WDR90: variants seen among roughly 807,000 people sequenced by gnomAD.
WDR90 encodes the protein WD repeat domain 90, also known as WD repeat-containing protein 90.
A neutral mutation model predicts 195.2 loss-of-function variants in WDR90; 238 were observed. The ratio of observed to expected loss-of-function variants is 1.22; its 90% CI spans 1.10 to 1.36. The LOEUF is 1.36. Among genes scored for constraint, WDR90 ranks in the 40% most tolerant of loss-of-function variants. WDR90 has a pLI of 0.00. For missense variants in WDR90, 2,734 were observed against 2,439.5 expected (o/e 1.12, Z -2.54); for synonymous variants, 1,265 against 1,052.4 (o/e 1.20, Z -3.91).
intron 33 of WDR90, 137 bp from the exon 34 acceptor site, chr16:662,542 C>G: frequency 7.6e-7 from 1 of 1,323,148 alleles, no homozygotes. Flanking sequence ...CATGGGCTTT[C>G]TCTTCTTCCA....
At position 660,649 on chromosome 16, in the gene WDR90, G is replaced by A. The variant is rs759784607; in HGVS notation, c.3326G>A (p.Arg1109His). 11 of 1,580,824 alleles carry A rather than the reference G, an allele frequency of 7.0e-6. No homozygotes were observed. Among genetic ancestry groups the A allele is most frequent in the African/African-American group, 2.7e-5 (2 of 74,014 alleles). Reference protein sequence around the residue: ...CPPPASGGWLRLKAVVGYSGN... With the variant: ...CPPPASGGWLHLKAVVGYSGN... ...CCTCCCGCCAGCGGTGGGTGGCTGC[G>A]TCTGAAGGCTGTCGTCGGTTACAGC... The change falls in exon 28 of 41, where the codon CGT becomes CAT. Residue 1109 changes from arginine to histidine, a missense_variant. Physicochemically the swap from Arg to His is conservative, Grantham distance 29. Transcript: ENST00000293879.
At chr16:662,388 G>C (rs540998595) in intron 33 of WDR90, 57 bp downstream of exon 33, 3 of 1,528,622 alleles carry the variant, frequency 2.0e-6, no homozygotes, top group Non-Finnish European at 2.6e-6. Context: ...GTCCCTGACT[G>C]GGGCTTGCAG....
At chr16:656,068 G>A (rs1239296783) in intron 17 of WDR90, 179 bp downstream of exon 17, 1 of 823,814 alleles carries the variant, frequency 1.2e-6, no homozygotes, top group Non-Finnish European at 1.9e-6. Context: ...GCGGCCCGCG[G>A]GGCAGCCTCA....
intron 14 of WDR90, 27 bp downstream of exon 14, chr16:655,174 T>C (rs1419128575): frequency 6.2e-7 from 1 of 1,612,382 alleles, no homozygotes. Flanking sequence ...TCCACGATGT[T>C]GGGAGAGGGT....
chr16:661,886 G>A lies in WDR90; in HGVS notation c.3865-5G>A. 2 of 1,606,146 alleles carry A rather than the reference G, an allele frequency of 1.2e-6. No individual in the cohort carries two copies. The highest frequency in any genetic ancestry group is 1.7e-6 in the Non-Finnish European group (2 of 1,175,498). On this transcript the variant is annotated splice_region_variant and splice_polypyrimidine_tract_variant and intron_variant, in intron 31 of 40. Transcript: ENST00000293879. Reference sequence around the variant, plus strand: ...TGACCCATGGCCACTCTCATACTTTGCCAGGTGCGTCGAGAGCCAGTCCCA... The same window carrying A: ...TGACCCATGGCCACTCTCATACTTTACCAGGTGCGTCGAGAGCCAGTCCCA...
chr16:652,138 CG>C, intron 9 of WDR90, 99 bp downstream of exon 9: 1 of 1,356,362 alleles, frequency 7.4e-7, no homozygotes, highest in Non-Finnish European at 1.0e-6. Flanking sequence ...GTGCCTCCAA[CG>C]GTCTCCTCTT....
chr16:663,163 C>T (rs1369117127), intron 34 of WDR90: 6 of 427,760 alleles, frequency 1.4e-5, no homozygotes, highest in Admixed American at 5.6e-5. Context: ...TCAGTCCGGG[C>T]GTGGTGGTTC....
chr16:660,006 C>CT, intron 26 of WDR90, 52 bp from the exon 27 acceptor site: 1 of 1,373,502 alleles, frequency 7.3e-7, no homozygotes, highest in Non-Finnish European at 9.9e-7. Context: ...TGTGGGGTCT[C>CT]TGAAGAGCTC....
chr16:652,986 C>T (rs1297026202), intron 10 of WDR90, among the ~76,000 whole-genome samples: 1 of 152,212 alleles, frequency 6.6e-6, no homozygotes, highest in East Asian at 1.9e-4. Context: ...CCTTGTCAGG[C>T]CCTGCTGGGT....
chr16:657,039 T>C, intron 19 of WDR90, 52 bp from the exon 20 acceptor site: 1 of 1,586,380 alleles, frequency 6.3e-7, no homozygotes, highest in Non-Finnish European at 8.5e-7. Context: ...AGGGAACCCA[T>C]GGTACCTGGG....
In WDR90 at chr16:656,237, G is replaced by T. The variant is rs986463928; in HGVS notation, c.1967-65G>T. 4 of 1,475,434 alleles carry T rather than the reference G, an allele frequency of 2.7e-6. No homozygotes were observed. In the South Asian group the frequency reaches 4.9e-5, roughly 18 times the overall value. The allele number at this position is 1,475,434 out of a possible 1,614,324, so 91.4% of individuals were successfully genotyped here. On this transcript the variant is annotated intron_variant, in intron 17 of 40. Transcript: ENST00000293879. ...GCATTTGCTGGGGTGTCGGGGACCC[G>T]AAGCCTGAGCATGCGGCTCACCCCG...
rs775396292 is a variant in WDR90 at position 660,060 on chromosome 16, G to T, written c.3187G>T (p.Ala1063Ser). Residue 1063 changes from alanine (A) to serine (S), a missense_variant and splice_region_variant, in exon 27 of 41, where the codon GCC becomes TCC. Transcript: ENST00000293879. ...CARPPEGGDG[A>S]RDTRNSGAPR... Reference sequence around the variant, plus strand: ...AAGCTCTGCCTCCTCCCTGCCAGGCGCCAGGGACACCAGGAATTCGGGGGC... The same window carrying T: ...AAGCTCTGCCTCCTCCCTGCCAGGCTCCAGGGACACCAGGAATTCGGGGGC... The T allele has an allele frequency of 1.9e-6, 3 of 1,542,020 alleles. No homozygotes were observed. Among genetic ancestry groups the T allele is most frequent in the Non-Finnish European group, 2.6e-6 (3 of 1,146,112 alleles).
intron 10 of WDR90, 36 bp downstream of exon 10, chr16:652,571 G>A (rs575440775): frequency 9.5e-6 from 15 of 1,572,000 alleles, no homozygotes; most frequent in African/African-American, 6.8e-5. Flanking sequence ...AGCAGCTCTC[G>A]TTGGCCGGCT....
chr16:661,745 C>T lies in WDR90; in HGVS notation c.3822C>T (p.Thr1274=), dbSNP rs756455036. 1.2e-6 allele frequency: 2 copies of T among 1,609,956 alleles called. No individual in the cohort carries two copies. The highest frequency in any genetic ancestry group is 1.7e-6 in the Non-Finnish European group (2 of 1,178,498). ...ELTCVGQGTV[T]FWLLQQRGAD... ...CCTGTGTGGGCCAGGGCACTGTCAC[C>T]TTCTGGCTCCTTCAGCAGCGTGGGG... Residue 1274 remains threonine, a synonymous_variant, in exon 31 of 41, where the codon ACC becomes ACT. Transcript: ENST00000293879.
rs200231558 is a variant in WDR90 at position 667,622 on chromosome 16, G to A, written c.*33G>A. 184 of 1,600,294 alleles carry A rather than the reference G, an allele frequency of 1.1e-4. No homozygotes were observed. In the Admixed American group the frequency reaches 1.2e-3, roughly 10 times the overall value. ...CAGGGACTGTGGTGGTGGGCATCAC[G>A]CCTGGTCATGCCAGGCACCTGGACA... On this transcript the variant is annotated 3_prime_UTR_variant, in exon 41 of 41. Coordinates refer to ENST00000293879, the MANE Select transcript of WDR90 (RefSeq NM_145294.5).
rs534577106 is a variant in WDR90 at position 667,330 on chromosome 16, C to T, written c.5090-102C>T. On this transcript the variant is annotated intron_variant, in intron 40 of 40. Coordinates refer to ENST00000293879, the MANE Select transcript of WDR90 (RefSeq NM_145294.5). Reference sequence around the variant, plus strand: ...GGAGCCCTTTTAGCACCAGCTCCCCCGACCAGCATCATGCCCAGTGGGGAC... The same window carrying T: ...GGAGCCCTTTTAGCACCAGCTCCCCTGACCAGCATCATGCCCAGTGGGGAC... 4.4e-4 allele frequency: 645 copies of T among 1,461,482 alleles called. 10 individuals are homozygous for T. The South Asian group carries it at 7.5e-3, about 17-fold the overall frequency. The allele number at this position is 1,461,482 out of a possible 1,614,324, so 90.5% of individuals were successfully genotyped here.
chr16:653,699 G>A, intron 12 of WDR90, 29 bp downstream of exon 12: 1 of 1,613,172 alleles, frequency 6.2e-7, no homozygotes, highest in Non-Finnish European at 8.5e-7. Flanking sequence ...CATGCAGGGG[G>A]AGGGGGTCAG....
intron 21 of WDR90, 22 bp from the exon 22 acceptor site, chr16:658,161 G>T: frequency 1.9e-6 from 3 of 1,597,914 alleles, no homozygotes; most frequent in Non-Finnish European, 1.7e-6. Flanking sequence ...CCTGACTGTC[G>T]GCCACTTACC....
At chr16:656,581 C>A (rs745839968) in intron 18 of WDR90, 44 bp downstream of exon 18, 1 of 1,569,280 alleles carries the variant, frequency 6.4e-7, no homozygotes, top group Non-Finnish European at 8.6e-7. Flanking sequence ...GCCGGGAGGT[C>A]CTGAAGCTGG....
Sources: allele counts gnomAD v4.1 joint callset (sites outside exome capture counted in the v4.1 genomes callset), GRCh38; gene constraint gnomAD v4.1.1; transcripts MANE v1.5; gene names NCBI Gene and HGNC (gene_info 2026-07-23, HGNC 2026-07-21).